The following NTM variants were observed in gnomAD, a reference collection of about 807,000 sequenced individuals.
NTM encodes the protein neurotrimin.
NTM carries 13 observed loss-of-function variants against 42.1 expected under a neutral mutation model. The observed-to-expected ratio is 0.31, with a 90% CI of 0.20 to 0.49. The LOEUF (loss-of-function observed/expected upper bound fraction) is 0.49, where lower values mean the gene tolerates loss of function less well. Ranked by LOEUF, NTM falls within the 20% of genes least tolerant of loss-of-function variation. The probability of loss-of-function intolerance (pLI) is 0.99; values close to 1 mark genes in which losing one functional copy is unlikely to be tolerated. For synonymous variants in NTM, 187 were observed against 179.2 expected, an observed-to-expected ratio of 1.04 and a Z score of -0.35; for missense variants, 373 against 452.8, an observed-to-expected ratio of 0.82 and a Z score of 1.60.
At chr11:131,522,716 C>T (rs1049739595) in intron 1 of NTM, among the ~76,000 whole-genome samples, 1 of 152,120 alleles carries the variant, frequency 6.6e-6, no homozygotes, top group African/African-American at 2.4e-5. Context: ...TGTCCAAAAC[C>T]CTGACTCCAC....
At chr11:131,841,575 G>A (rs61391808) in intron 1 of NTM, among the ~76,000 whole-genome samples, 11,868 of 152,154 alleles carry the variant, frequency 0.078, 569 homozygotes, top group East Asian at 0.19. Context: ...TATTTCCAAT[G>A]TACAGTCAAG....
At chr11:131,873,537 T>TGTGTATATATATACATATATATATATACC (rs1565657182) in intron 1 of NTM, among the ~76,000 whole-genome samples, 1 of 72,114 alleles carries the variant, frequency 1.4e-5, no homozygotes, top group African/African-American at 3.8e-5. Flanking sequence ...TGTGTGTGTG[T>TGTGTATATATATACATATATATATATACC]GTATATATAT....
At chr11:131,587,152 T>A (rs989423331) in intron 1 of NTM, among the ~76,000 whole-genome samples, 12 of 152,180 alleles carry the variant, frequency 7.9e-5, no homozygotes, top group Admixed American at 5.9e-4. Flanking sequence ...ATTTTACAGA[T>A]AAGGTAGCTA....
chr11:132,084,860 A>G (rs541878159), intron 2 of NTM, among the ~76,000 whole-genome samples: 7 of 152,312 alleles, frequency 4.6e-5, no homozygotes, highest in South Asian at 4.1e-4. Context: ...TTAGTTTACT[A>G]TTGATGTCAA....
chr11:132,215,358 A>C (rs2083631949), intron 4 of NTM, among the ~76,000 whole-genome samples: 1 of 152,160 alleles, frequency 6.6e-6, no homozygotes, highest in South Asian at 2.1e-4. Flanking sequence ...CATTTCTTAA[A>C]AGTCCTTGTT....
intron 4 of NTM, among the ~76,000 whole-genome samples, chr11:132,216,147 T>C (rs1179718045): frequency 2.6e-5 from 4 of 152,238 alleles, no homozygotes; most frequent in African/African-American, 9.6e-5. Context: ...AAAACGTTCA[T>C]GCTGTCTGGT....
At chr11:132,044,043 TATGG>T (rs2051675254) in intron 2 of NTM, among the ~76,000 whole-genome samples, 3 of 151,176 alleles carry the variant, frequency 2.0e-5, no homozygotes, top group Non-Finnish European at 4.4e-5. Context: ...TGTATATGTG[TATGG>T]GTATGTGTGT....
chr11:132,135,135 A>T (rs2067646625), intron 2 of NTM, among the ~76,000 whole-genome samples: 1 of 151,862 alleles, frequency 6.6e-6, no homozygotes. Flanking sequence ...GTCCCAGGAG[A>T]CAGAAATGTT....
chr11:131,707,314 C>T (rs150212184), intron 1 of NTM, among the ~76,000 whole-genome samples: 329 of 152,108 alleles, frequency 2.2e-3, no homozygotes, highest in African/African-American at 7.3e-3. Flanking sequence ...CATATTGTTA[C>T]GAATGAAGAA....
chr11:132,246,986 C>G (rs2091271589), intron 4 of NTM, among the ~76,000 whole-genome samples: 1 of 152,228 alleles, frequency 6.6e-6, no homozygotes, highest in African/African-American at 2.4e-5. Context: ...GTTCCCTCTG[C>G]TGAGAAAACC....
chr11:131,571,744 G>C (rs1428277922), intron 1 of NTM, among the ~76,000 whole-genome samples: 1 of 152,228 alleles, frequency 6.6e-6, no homozygotes, highest in Non-Finnish European at 1.5e-5. Flanking sequence ...CTCTGAAACA[G>C]ATCCCACAGC....
Position 131,416,306 on chromosome 11 carries a change from C to T in NTM, c.82+45418C>T, listed in dbSNP as rs116185966. Among the ~76,000 whole-genome samples, 1,112 of 151,990 alleles carry T rather than the reference C, an allele frequency of 7.3e-3. 16 individuals carry two copies. The highest frequency in any genetic ancestry group is 0.025 in the African/African-American group (1,047 of 41,400). On this transcript the variant is annotated intron_variant, in intron 1 of 8. Coordinates refer to ENST00000683400, the MANE Select transcript of NTM (RefSeq NM_001352005.2). ...TAAGAAAACCAGGGGGAGAGAGGAACTAGAGGGTACGAATGGTAAATGAAC... is the reference window on the plus strand; with the variant it reads ...TAAGAAAACCAGGGGGAGAGAGGAATTAGAGGGTACGAATGGTAAATGAAC...
At chr11:132,249,223 C>T (rs1468179870) in intron 4 of NTM, among the ~76,000 whole-genome samples, 3 of 152,160 alleles carry the variant, frequency 2.0e-5, no homozygotes, top group Admixed American at 6.6e-5. Flanking sequence ...AGTAAAACAC[C>T]AGAGACAGGA....
At chr11:132,307,227 G>T (rs1049408042) in intron 4 of NTM, among the ~76,000 whole-genome samples, 2 of 152,156 alleles carry the variant, frequency 1.3e-5, no homozygotes, top group Non-Finnish European at 2.9e-5. Context: ...GTGTGTGTGT[G>T]TATGTGTATG....
intron 1 of NTM, among the ~76,000 whole-genome samples, chr11:131,437,437 C>G (rs1949239659): frequency 6.6e-6 from 1 of 152,158 alleles, no homozygotes; most frequent in African/African-American, 2.4e-5. Flanking sequence ...TAGTAGGTCT[C>G]TAAGGACTTG....
intron 1 of NTM, among the ~76,000 whole-genome samples, chr11:131,507,912 G>T (rs2047699000): frequency 6.6e-6 from 1 of 152,110 alleles, no homozygotes; most frequent in African/African-American, 2.4e-5. Flanking sequence ...GATTTTGTTA[G>T]ACCTAAAACC....
chr11:131,911,576 G>A lies in NTM; in HGVS notation c.95G>A (p.Arg32His), dbSNP rs767842712. Residue 32 changes from arginine (R) to histidine (H), a missense_variant, in exon 2 of 9, where the codon CGC (arginine) becomes CAC (histidine). Coordinates refer to ENST00000683400, the MANE Select transcript of NTM (RefSeq NM_001352005.2). ...ALCLFQGVPV[R>H]SGDATFPKAM... The stretch of plus-strand genomic sequence containing the variant: ...CTTGTACCCACAGGAGTGCCCGTGC[G>A]CAGCGGAGATGCCACCTTCCCCAAA... 4.3e-6 allele frequency: 7 copies of A among 1,614,218 alleles called. No individual in the cohort carries two copies. Among genetic ancestry groups the A allele is most frequent in the Admixed American group, 3.3e-5 (2 of 60,026 alleles).
At chr11:131,405,828 A>G (rs1408335480) in intron 1 of NTM, among the ~76,000 whole-genome samples, 1 of 152,140 alleles carries the variant, frequency 6.6e-6, no homozygotes, top group Non-Finnish European at 1.5e-5. Flanking sequence ...AGTATGCTCC[A>G]CTAACCCTGT....
intron 4 of NTM, among the ~76,000 whole-genome samples, chr11:132,224,369 G>C (rs919768560): frequency 2.6e-5 from 4 of 152,086 alleles, no homozygotes; most frequent in African/African-American, 9.7e-5. Flanking sequence ...TGTGGAAGGT[G>C]GGGGAGAGTG....
Sources: allele counts gnomAD v4.1 joint callset (sites outside exome capture counted in the v4.1 genomes callset), GRCh38; gene constraint gnomAD v4.1.1; transcripts MANE v1.5; gene names NCBI Gene and HGNC (gene_info 2026-07-23, HGNC 2026-07-21).